The following CHN2 variants were observed in gnomAD, a reference collection of about 807,000 sequenced individuals.
The protein encoded by CHN2 is beta-chimaerin.
Under a neutral mutation model 56.3 loss-of-function variants are expected in CHN2, and 35 were observed. That is an observed-to-expected ratio of 0.62 (90% confidence interval 0.47 to 0.82). The LOEUF (loss-of-function observed/expected upper bound fraction) is 0.82, where lower values mean the gene tolerates loss of function less well. CHN2 is among the 40% of genes least tolerant of loss of function. The pLI is 0.00. For synonymous variants in CHN2, 210 were observed against 212.8 expected (o/e 0.99, Z 0.12); for missense variants, 491 against 580.5 (o/e 0.85, Z 1.58).
chr7:29,367,811 G>GT (rs1386098136), intron 2 of CHN2, 121 bp from the exon 3 acceptor site: 6 of 740,768 alleles, frequency 8.1e-6, no homozygotes, highest in African/African-American at 5.4e-5. Context: ...GTATTCTCTT[G>GT]TTTTTTTATA....
Position 29,393,714 on chromosome 7 carries a change from T to A in CHN2, c.176+4T>A, listed in dbSNP as rs370079108. ...GACCAAAATATTATGGAAGAGAGTA[T>A]GTATTATACTATTCTTTGTTTTAAT... On this transcript the variant is annotated splice_donor_region_variant and intron_variant, in intron 4 of 12. Transcript: ENST00000222792. 3.2e-5 allele frequency: 27 copies of A among 844,610 alleles called. No homozygotes were observed. Among genetic ancestry groups the A allele is most frequent in the Middle Eastern group, 3.4e-4 (1 of 2,924 alleles). 52.3% of individuals were successfully genotyped at this position (844,610 alleles called of 1,614,324 possible).
chr7:29,484,487 G>A (rs138488117), intron 7 of CHN2, among the ~76,000 whole-genome samples: 4 of 152,080 alleles, frequency 2.6e-5, no homozygotes, highest in African/African-American at 9.7e-5. Context: ...TTGTGGTTGC[G>A]GCAGTCCTTG....
chr7:29,322,643 C>T (rs1160765647), intron 1 of CHN2, among the ~76,000 whole-genome samples: 1 of 152,196 alleles, frequency 6.6e-6, no homozygotes, highest in African/African-American at 2.4e-5. Flanking sequence ...TTCTGTGGCT[C>T]ATAGAAGTAG....
intron 2 of CHN2, among the ~76,000 whole-genome samples, chr7:29,356,171 G>A (rs1273847815): frequency 6.6e-6 from 1 of 152,086 alleles, no homozygotes; most frequent in Admixed American, 6.6e-5. Flanking sequence ...ACAAAAATTA[G>A]TGGGGTAGCA....
At chr7:29,451,975 G>A (rs1303175367) in intron 6 of CHN2, among the ~76,000 whole-genome samples, 3 of 152,174 alleles carry the variant, frequency 2.0e-5, no homozygotes, top group Admixed American at 6.5e-5. Flanking sequence ...CATCATGACC[G>A]CCACACCACC....
intron 1 of CHN2, among the ~76,000 whole-genome samples, chr7:29,264,143 C>T (rs1000514173): frequency 4.7e-5 from 7 of 147,504 alleles, no homozygotes; most frequent in African/African-American, 1.5e-4. Context: ...CGGCCGCCAC[C>T]CCGTCTGGGA....
At chr7:29,303,905 C>A (rs1439610332) in intron 1 of CHN2, among the ~76,000 whole-genome samples, 1 of 152,072 alleles carries the variant, frequency 6.6e-6, no homozygotes, top group Admixed American at 6.6e-5. Context: ...ACTAAAAATG[C>A]AAACATTAGC....
intron 6 of CHN2, among the ~76,000 whole-genome samples, chr7:29,448,787 T>C (rs571762879): frequency 1.3e-5 from 2 of 150,244 alleles, no homozygotes; most frequent in East Asian, 4.0e-4. Context: ...GGGGAAGGCT[T>C]TGTGCCCCAG....
At chr7:29,436,539 G>A (rs538921570) in intron 6 of CHN2, among the ~76,000 whole-genome samples, 10 of 152,250 alleles carry the variant, frequency 6.6e-5, no homozygotes, top group Admixed American at 5.9e-4. Flanking sequence ...GCTTGGCTAT[G>A]TGAAGGGCAC....
intron 1 of CHN2, among the ~76,000 whole-genome samples, chr7:29,309,341 C>G (rs1323404875): frequency 6.6e-6 from 1 of 152,130 alleles, no homozygotes; most frequent in African/African-American, 2.4e-5. Flanking sequence ...TAATTCTGCT[C>G]TTGTATTTCT....
intron 1 of CHN2, among the ~76,000 whole-genome samples, chr7:29,305,634 C>T (rs770987612): frequency 5.3e-5 from 8 of 152,110 alleles, no homozygotes; most frequent in Non-Finnish European, 1.2e-4. Flanking sequence ...ATTGGCATTG[C>T]GCAGAATGAA....
intron 1 of CHN2, among the ~76,000 whole-genome samples, chr7:29,251,475 A>C (rs1788515313): frequency 6.6e-6 from 1 of 152,194 alleles, no homozygotes; most frequent in African/African-American, 2.4e-5. Flanking sequence ...ATAAAATAAC[A>C]TAAAATAAAA....
chr7:29,305,993 C>T (rs995306060), intron 1 of CHN2, among the ~76,000 whole-genome samples: 2 of 151,986 alleles, frequency 1.3e-5, no homozygotes, highest in Admixed American at 6.6e-5. Flanking sequence ...ACTTCTAGCT[C>T]TGCTGGAATG....
chr7:29,200,494 T>C (rs1434496598), intron 1 of CHN2, among the ~76,000 whole-genome samples: 1 of 123,556 alleles, frequency 8.1e-6, no homozygotes, highest in Non-Finnish European at 1.6e-5. Context: ...CTTTTGTCTC[T>C]TTTTCTTCTC....
chr7:29,437,841 A>G lies in CHN2; in HGVS notation c.576+37013A>G, dbSNP rs138918074. 2.2e-3 allele frequency among the ~76,000 whole-genome samples: 338 copies of G among 152,280 alleles called. 1 individual carries two copies. The highest frequency in any genetic ancestry group is 6.3e-3 in the Admixed American group (97 of 15,280). ...CATTTATATTTAAGTTAAATATACA[A>G]ATATATATACATGGAGCCCAGAGGG... On this transcript the variant is annotated intron_variant, in intron 6 of 12. Coordinates refer to ENST00000222792, the MANE Select transcript of CHN2 (RefSeq NM_004067.4).
intron 1 of CHN2, among the ~76,000 whole-genome samples, chr7:29,238,516 A>G (rs1211769560): frequency 6.6e-6 from 1 of 152,170 alleles, no homozygotes; most frequent in Non-Finnish European, 1.5e-5. Context: ...TGTGCCATGG[A>G]TTCTTCTAGG....
At chr7:29,498,816 C>T (rs556232113) in intron 8 of CHN2, among the ~76,000 whole-genome samples, 5 of 131,086 alleles carry the variant, frequency 3.8e-5, no homozygotes, top group Admixed American at 2.7e-4. Context: ...GGCTGGAGTG[C>T]GGTGGCGCAA....
At position 29,473,482 on chromosome 7, in the gene CHN2, TTGTG is replaced by T. The variant is rs1554299030; in HGVS notation, c.577-6775_577-6772del. 1.6e-3 allele frequency among the ~76,000 whole-genome samples: 185 copies of T among 118,102 alleles called. 1 individual carries two copies. The highest frequency in any genetic ancestry group is 4.6e-3 in the Middle Eastern group (1 of 216). 77.5% of individuals were successfully genotyped at this position (118,102 alleles called of 152,430 possible). A position where few individuals can be genotyped will look rare whatever the true frequency, so the allele number is the denominator to read the frequency against. Reference sequence around the variant, plus strand: ...TGTGTGTGTTTGTGTTTTTTTTTTTTTGTGTGTGTGTGTGTGTGTGTGTGTTCTA... The same window carrying T: ...TGTGTGTGTTTGTGTTTTTTTTTTTTTGTGTGTGTGTGTGTGTGTGTTCTA... On this transcript the variant is annotated intron_variant, in intron 6 of 12. Coordinates refer to ENST00000222792, the MANE Select transcript of CHN2 (RefSeq NM_004067.4).
intron 2 of CHN2, among the ~76,000 whole-genome samples, chr7:29,364,067 C>A (rs1562549142): frequency 6.6e-6 from 1 of 152,192 alleles, no homozygotes; most frequent in Admixed American, 6.6e-5. Context: ...TGTATGTTAG[C>A]TCTATGTCCT....
Sources: gnomAD v4.1 joint callset for allele counts (sites outside exome capture counted in the v4.1 genomes callset) on GRCh38, gnomAD v4.1.1 for gene constraint, MANE v1.5 for transcripts, NCBI Gene and HGNC (gene_info 2026-07-23, HGNC 2026-07-21) for gene names.